BRCA1: variants seen among roughly 807,000 people sequenced by gnomAD.
The protein encoded by BRCA1 is breast cancer type 1 susceptibility protein.
Under a neutral mutation model 173.7 loss-of-function variants are expected in BRCA1, and 140 were observed. The ratio of observed to expected loss-of-function variants is 0.81; its 90% confidence interval spans 0.70 to 0.93. BRCA1 has a LOEUF of 0.93. Ranked by LOEUF, BRCA1 falls within the 40% of genes least tolerant of loss-of-function variation. The pLI is 0.00. For missense variants in BRCA1, 1,983 were observed against 2,172.5 expected (o/e 0.91, Z 1.73); for synonymous variants, 662 against 756.0 (o/e 0.88, Z 2.04).
chr17:43,074,501 G>C lies in BRCA1; in HGVS notation c.4505C>G (p.Pro1502Arg), dbSNP rs56335406. ...CATGTACCACCTATCATCTAATGAT[G>C]GGCATTTAGAAGGGGATGACCTAGA... ...GVERSSPSKC[P>R]SLDDRWYMHS... The change falls in exon 14 of 23, where the codon CCA becomes CGA. Residue 1502 changes from proline to arginine, a missense_variant. Physicochemically the swap from Pro to Arg is moderately radical, Grantham distance 103 (BLOSUM62 -2). Coordinates refer to ENST00000357654, the MANE Select transcript of BRCA1 (RefSeq NM_007294.4). 6.2e-7 allele frequency: 1 copy of C among 1,613,802 alleles called. No homozygotes were observed. Among genetic ancestry groups the C allele is most frequent in the Non-Finnish European group, 8.5e-7 (1 of 1,179,768 alleles).
intron 14 of BRCA1, 109 bp downstream of exon 14, chr17:43,074,222 G>C (rs1253043844): frequency 9.3e-7 from 1 of 1,073,018 alleles, no homozygotes; most frequent in African/African-American, 1.6e-5. Context: ...TATAACAAAA[G>C]TGTCCATGAT....
At chr17:43,161,342 G>A (rs2056234532) in intron 1 of BRCA1, 1 of 152,168 alleles carries the variant, frequency 6.6e-6, no homozygotes, top group Admixed American at 6.5e-5. Flanking sequence ...CCATAATACT[G>A]TATGATTCTC....
chr17:43,066,701 G>A (rs1278783516), intron 16 of BRCA1, among the ~76,000 whole-genome samples: 3 of 151,528 alleles, frequency 2.0e-5, no homozygotes, highest in East Asian at 1.9e-4. Context: ...GAGCCACCGC[G>A]TCCAGCTGCC....
At chr17:43,058,019 CAAAAAAA>C (rs68106056) in intron 18 of BRCA1, among the ~76,000 whole-genome samples, 4 of 34,500 alleles carry the variant, frequency 1.2e-4, no homozygotes, top group South Asian at 1.2e-3. Flanking sequence ...AACTCTGTCT[CAAAAAAA>C]AAAAAAAAAA....
rs587782370 is a variant in BRCA1 at position 43,092,893 on chromosome 17, C to G, written c.2638G>C (p.Glu880Gln). 1.2e-6 allele frequency: 2 copies of G among 1,613,868 alleles called. No individual in the cohort carries two copies. The highest frequency in any genetic ancestry group is 3.3e-5 in the Admixed American group (2 of 60,010). The change falls in exon 10 of 23, where the codon GAG becomes CAG. Residue 880 changes from glutamate (E) to glutamine (Q), a missense_variant. By Grantham distance (29) the Glu-to-Gln change is conservative (BLOSUM62 2). Coordinates refer to ENST00000357654, the MANE Select transcript of BRCA1 (RefSeq NM_007294.4). ...TGGGCAGAGAATGTTGCACATTCCT[C>G]TTCTGCATTTCCTGGATTTGAAAAC... is the stretch of plus-strand genomic sequence containing the variant. ...APFSNPGNAE[E>Q]ECATFSAHSG...
intron 12 of BRCA1, chr17:43,079,564 T>C (rs1387003784): frequency 2.2e-6 from 2 of 890,134 alleles, no homozygotes; most frequent in East Asian, 2.4e-5. Context: ...CCAAGAGAAT[T>C]AATGTGCGTA....
At chr17:43,057,004 C>T (rs759776172) in intron 19 of BRCA1, 48 bp downstream of exon 19, 2 of 1,558,162 alleles carry the variant, frequency 1.3e-6, no homozygotes, top group Non-Finnish European at 1.8e-6. Context: ...GAGTGGAATA[C>T]AGAGTGGTGG....
chr17:43,127,616 T>G (rs147872758), upstream of BRCA1, among the ~76,000 whole-genome samples: 495 of 152,238 alleles, frequency 3.3e-3, 5 homozygotes, highest in Non-Finnish European at 2.2e-3. Flanking sequence ...TCTGTGTATA[T>G]CTAGCTCAGG....
upstream of BRCA1, among the ~76,000 whole-genome samples, chr17:43,126,893 A>T (rs2055893847): frequency 6.6e-6 from 1 of 152,034 alleles, no homozygotes; most frequent in Non-Finnish European, 1.5e-5. Flanking sequence ...AGCCAGCGCG[A>T]GTTCCAGGTG....
chr17:43,130,966 A>T (rs1349469227), intron 1 of BRCA1, among the ~76,000 whole-genome samples: 5 of 152,228 alleles, frequency 3.3e-5, no homozygotes, highest in African/African-American at 1.2e-4. Flanking sequence ...GACTTCTTCT[A>T]TGAATTTTAT....
In BRCA1 at chr17:43,104,130, G is replaced by T. The variant is rs2054618097; in HGVS notation, c.433C>A (p.Pro145Thr). 6.2e-7 allele frequency: 1 copy of T among 1,613,458 alleles called. No individual in the cohort carries two copies. ...KRLLQSEPEN[P>T]SLQETSLSVQ... ...AAAACAAATGGTTTTACCAAGGAAG[G>T]ATTTTCGGGTTCACTCTGTAGAAGT... Residue 145 changes from proline (P) to threonine (T), a missense_variant, in exon 6 of 23, where the codon CCT (proline) becomes ACT (threonine). By Grantham distance (38) the Pro-to-Thr change is conservative (BLOSUM62 -1). Coordinates refer to ENST00000357654, the MANE Select transcript of BRCA1 (RefSeq NM_007294.4).
In BRCA1 at chr17:43,077,425, G is replaced by A. The variant is rs547070218; in HGVS notation, c.4358-811C>T. Among the ~76,000 whole-genome samples, 205 of 152,008 alleles carry A rather than the reference G, an allele frequency of 1.3e-3. 1 individual carries two copies. Among genetic ancestry groups the A allele is most frequent in the African/African-American group, 4.7e-3 (196 of 41,480 alleles). ...GGCTCACTGCAACCTCCACCTCCTG[G>A]GTTCAAGCGATTCTCCTGCCTCAGC... On this transcript the variant is annotated intron_variant, in intron 12 of 22. Coordinates refer to ENST00000357654, the MANE Select transcript of BRCA1 (RefSeq NM_007294.4).
At position 43,099,738 on chromosome 17, in the gene BRCA1, A is replaced by G. The variant is rs770897278; in HGVS notation, c.547+37T>C. The G allele has an allele frequency of 3.3e-6, 5 of 1,514,168 alleles. No homozygotes were observed. In the South Asian group the frequency reaches 5.6e-5, roughly 17 times the overall value. The allele number at this position is 1,514,168 out of a possible 1,614,324, so 93.8% of individuals were successfully genotyped here. A position where few individuals can be genotyped will look rare whatever the true frequency, so the allele number is the denominator to read the frequency against. ...AAACTATAAGATAAGGAATCCAGCA[A>G]TTATTATTAAATACTTAAAAAACCT... is the stretch of plus-strand genomic sequence containing the variant. On this transcript the variant is annotated intron_variant, in intron 7 of 22. Coordinates refer to ENST00000357654, the MANE Select transcript of BRCA1 (RefSeq NM_007294.4).
At chr17:43,065,730 T>C (rs2052041158) in intron 16 of BRCA1, among the ~76,000 whole-genome samples, 1 of 152,086 alleles carries the variant, frequency 6.6e-6, no homozygotes, top group South Asian at 2.1e-4. Context: ...TCCAGAGAAC[T>C]AATTTTGTTA....
chr17:43,147,754 C>G (rs2056132875), intron 1 of BRCA1, among the ~76,000 whole-genome samples: 1 of 152,170 alleles, frequency 6.6e-6, no homozygotes. Context: ...GTGTTTCCTG[C>G]CACTTTAGAG....
At chr17:43,115,176 A>G (rs1414525428) in intron 3 of BRCA1, among the ~76,000 whole-genome samples, 4 of 152,184 alleles carry the variant, frequency 2.6e-5, no homozygotes, top group African/African-American at 4.8e-5. Context: ...AAAAAATACA[A>G]AACACTGTTC....
chr17:43,100,607 A>AT (rs1369182141), intron 6 of BRCA1, among the ~76,000 whole-genome samples: 3 of 87,008 alleles, frequency 3.4e-5, no homozygotes, highest in Middle Eastern at 5.3e-3. Context: ...ATATATATAT[A>AT]ACATATATAT....
intron 18 of BRCA1, among the ~76,000 whole-genome samples, chr17:43,063,037 A>G (rs1055568484): frequency 6.6e-6 from 1 of 151,954 alleles, no homozygotes; most frequent in African/African-American, 2.4e-5. Flanking sequence ...ATTACAGGCA[A>G]GTGCCACCAA....
intron 1 of BRCA1, chr17:43,159,439 G>C: frequency 6.2e-6 from 1 of 161,352 alleles, no homozygotes; most frequent in Non-Finnish European, 1.3e-5. Context: ...CCCGGACGGG[G>C]TGGCTGCCGG....
Sources: allele counts gnomAD v4.1 joint callset (sites outside exome capture counted in the v4.1 genomes callset), GRCh38; gene constraint gnomAD v4.1.1; transcripts MANE v1.5; gene names NCBI Gene and HGNC (gene_info 2026-07-23, HGNC 2026-07-21).